The following PLA2R1 variants were observed in gnomAD, a reference collection of about 807,000 sequenced individuals.
PLA2R1 encodes the protein secretory phospholipase A2 receptor.
Under a neutral mutation model 195.9 loss-of-function variants are expected in PLA2R1, and 158 were observed. The ratio of observed to expected loss-of-function variants is 0.81; its 90% CI spans 0.71 to 0.92. The LOEUF is 0.92. PLA2R1 is among the 40% of genes least tolerant of loss of function. The pLI is 0.00. For missense variants in PLA2R1, 1,626 were observed against 1,764.6 expected, an observed-to-expected ratio of 0.92 and a Z score of 1.41; for synonymous variants, 586 against 598.2, an observed-to-expected ratio of 0.98 and a Z score of 0.30.
rs546284384 is a variant in PLA2R1, at chr2:160,013,646, G to A, written c.1552-271C>T. Among the ~76,000 whole-genome samples the A allele has an allele frequency of 3.3e-5, 5 of 150,192 alleles. No individual in the cohort carries two copies. The South Asian group carries it at 8.5e-4, about 25-fold the overall frequency. On this transcript the variant is annotated intron_variant, in intron 9 of 29. Transcript: ENST00000283243. The stretch of plus-strand genomic sequence containing the variant: ...CCTTAAAAGTAAATGAAAATAAAGG[G>A]CATTCATTCAAGATCTCTACCTCTC...
chr2:160,056,006 T>TC (rs1248911919), intron 1 of PLA2R1, among the ~76,000 whole-genome samples: 4 of 151,586 alleles, frequency 2.6e-5, no homozygotes, highest in Admixed American at 6.6e-5. Flanking sequence ...GAACCATTCT[T>TC]CCCCCCATTC....
At chr2:159,983,453 CT>C (rs3062423) in intron 13 of PLA2R1, among the ~76,000 whole-genome samples, 368 of 139,914 alleles carry the variant, frequency 2.6e-3, no homozygotes, top group Admixed American at 7.3e-3. Context: ...TACTGGGACT[CT>C]TTTTTTTTTT....
At chr2:159,942,044 TA>T in intron 29 of PLA2R1, 52 bp from the exon 30 acceptor site, 1 of 1,550,584 alleles carries the variant, frequency 6.4e-7, no homozygotes. Context: ...GGCGATGAAG[TA>T]ATATAGATAC....
chr2:159,981,533 G>GCA (rs1353885073), intron 13 of PLA2R1, among the ~76,000 whole-genome samples: 4 of 151,962 alleles, frequency 2.6e-5, no homozygotes, highest in Non-Finnish European at 2.9e-5. Context: ...AGTCTCCTGA[G>GCA]TAGCTGGGAC....
chr2:159,932,875 G>C lies in PLA2R1; in HGVS notation c.*8903C>G, dbSNP rs1213148538. 1 of 151,858 alleles carries C rather than the reference G, an allele frequency of 6.6e-6. No homozygotes were observed. Among genetic ancestry groups the C allele is most frequent in the Non-Finnish European group, 1.5e-5 (1 of 67,994 alleles). The allele number at this position is 151,858 out of a possible 1,614,324, so 9.4% of individuals were successfully genotyped here. A position where few individuals can be genotyped will look rare whatever the true frequency, so the allele number is the denominator to read the frequency against. ...AAAAATATCCAGGAACATATACATT[G>C]GATCTAATATAAATAAGAGACTTAA... On this transcript the variant is annotated 3_prime_UTR_variant, in exon 30 of 30. Coordinates refer to ENST00000283243, the MANE Select transcript of PLA2R1 (RefSeq NM_007366.5).
intron 10 of PLA2R1, 86 bp from the exon 11 acceptor site, chr2:160,005,907 G>A: frequency 1.2e-6 from 1 of 857,336 alleles, no homozygotes; most frequent in Non-Finnish European, 1.9e-6. Flanking sequence ...GCACAGAATG[G>A]CCCCAGAGTA....
At chr2:159,942,944 A>C (rs1687167969) in intron 28 of PLA2R1, among the ~76,000 whole-genome samples, 1 of 151,958 alleles carries the variant, frequency 6.6e-6, no homozygotes, top group Admixed American at 6.6e-5. Flanking sequence ...TACTAATAGC[A>C]AAACCATACT....
At chr2:160,003,184 T>C (rs1691722531) in intron 11 of PLA2R1, among the ~76,000 whole-genome samples, 1 of 152,012 alleles carries the variant, frequency 6.6e-6, no homozygotes, top group South Asian at 2.1e-4. Flanking sequence ...TAGAACATAC[T>C]TTTAAAATCT....
chr2:159,994,725 G>C (rs1023873137), intron 11 of PLA2R1, among the ~76,000 whole-genome samples: 3 of 152,042 alleles, frequency 2.0e-5, no homozygotes, highest in Non-Finnish European at 4.4e-5. Context: ...ATGTACCACA[G>C]TGGTTCTACT....
chr2:159,942,995 G>A (rs537873854), intron 28 of PLA2R1, among the ~76,000 whole-genome samples: 40 of 145,062 alleles, frequency 2.8e-4, no homozygotes, highest in African/African-American at 7.7e-4. Context: ...TTTTTGAGGC[G>A]AAGTCTCACT....
intron 11 of PLA2R1, among the ~76,000 whole-genome samples, chr2:159,994,511 C>T (rs1691071540): frequency 6.6e-6 from 1 of 151,890 alleles, no homozygotes; most frequent in African/African-American, 2.4e-5. Context: ...TAATGATAGG[C>T]AATTATAGTT....
intron 3 of PLA2R1, among the ~76,000 whole-genome samples, chr2:160,034,762 A>G (rs1416221319): frequency 6.6e-6 from 1 of 152,076 alleles, no homozygotes; most frequent in South Asian, 2.1e-4. Flanking sequence ...GCAAGACCCT[A>G]TCACTACAAA....
chr2:159,945,187 T>A (rs1325591991), intron 27 of PLA2R1, 105 bp from the exon 28 acceptor site: 1 of 473,478 alleles, frequency 2.1e-6, no homozygotes, highest in Non-Finnish European at 3.3e-6. Context: ...TTTATTTTTT[T>A]ATTTTTATTT....
At chr2:160,026,233 A>T (rs1693516777) in intron 6 of PLA2R1, among the ~76,000 whole-genome samples, 1 of 152,224 alleles carries the variant, frequency 6.6e-6, no homozygotes, top group Non-Finnish European at 1.5e-5. Context: ...ATACAATGAA[A>T]GCAGAGTGTT....
chr2:159,996,928 T>C (rs1691253052), intron 11 of PLA2R1, among the ~76,000 whole-genome samples: 1 of 152,174 alleles, frequency 6.6e-6, no homozygotes, highest in South Asian at 2.1e-4. Context: ...CCAGCTGTTC[T>C]TGCATGTTGT....
chr2:160,053,340 G>A (rs904605767), intron 1 of PLA2R1, among the ~76,000 whole-genome samples: 9 of 65,114 alleles, frequency 1.4e-4, no homozygotes, highest in Non-Finnish European at 2.4e-4. Context: ...ATTTTTATAC[G>A]AATTTGGTGG....
At chr2:159,981,717 A>G (rs1466864748) in intron 13 of PLA2R1, among the ~76,000 whole-genome samples, 1 of 152,106 alleles carries the variant, frequency 6.6e-6, no homozygotes, top group Non-Finnish European at 1.5e-5. Context: ...GAATTTTTAA[A>G]TATTTTATTT....
chr2:160,010,814 TTTC>T (rs1313324107), intron 10 of PLA2R1, among the ~76,000 whole-genome samples: 5 of 152,256 alleles, frequency 3.3e-5, no homozygotes, highest in African/African-American at 9.6e-5. Context: ...TGGCCCTTTC[TTTC>T]TTCAACTCAT....
rs1686833965 is a variant in PLA2R1, at chr2:159,936,362, AAAAT to A, written c.*5412_*5415del. ...TTGTTAGTATACAATTGATCAGAAC[AAAAT>A]AAATATGTTACAAAGATTAAGATAG... On this transcript the variant is annotated 3_prime_UTR_variant, in exon 30 of 30. Transcript: ENST00000283243. 1 of 152,232 alleles carries A rather than the reference AAAAT, an allele frequency of 6.6e-6. No homozygotes were observed. Among genetic ancestry groups the A allele is most frequent in the African/African-American group, 2.4e-5 (1 of 41,460 alleles). 9.4% of individuals were successfully genotyped at this position (152,232 alleles called of 1,614,324 possible).
Sources: allele counts gnomAD v4.1 joint callset (sites outside exome capture counted in the v4.1 genomes callset), GRCh38; gene constraint gnomAD v4.1.1; transcripts MANE v1.5; gene names NCBI Gene and HGNC (gene_info 2026-07-23, HGNC 2026-07-21).